The following CLNK variants were observed in gnomAD, a reference collection of about 807,000 sequenced individuals.
The protein encoded by CLNK is cytokine dependent hematopoietic cell linker.
CLNK carries 74 observed loss-of-function variants against 68.6 expected under a neutral mutation model. That is an observed-to-expected ratio of 1.08 (90% CI 0.89 to 1.31). CLNK has a LOEUF of 1.31. CLNK is among the 50% of genes most tolerant of loss of function. The pLI, the probability that CLNK is intolerant of heterozygous loss-of-function variation, is 0.00. For synonymous variants in CLNK, 198 were observed against 172.2 expected, an observed-to-expected ratio of 1.15 and a Z score of -1.17; for missense variants, 553 against 515.3, an observed-to-expected ratio of 1.07 and a Z score of -0.71.
chr4:10,513,544 T>A lies in CLNK; in HGVS notation c.826A>T (p.Ser276Cys). 6.2e-7 allele frequency: 1 copy of A among 1,609,624 alleles called. No homozygotes were observed. The highest frequency in any genetic ancestry group is 8.5e-7 in the Non-Finnish European group (1 of 1,177,792). ...CSPQRCQPPA[S>C]CSPHENILPY... is the part of the protein sequence containing the mutation. ...AGTATATTTTCGTGAGGGCTGCAGC[T>A]GGCTGGAGGCTGGCATCTCTGAGGA... Residue 276 changes from serine (S) to cysteine (C), a missense_variant, in exon 16 of 19, where the codon AGC (serine) becomes TGC (cysteine). Physicochemically the swap from Ser to Cys is moderately radical, Grantham distance 112. Coordinates refer to ENST00000226951, the MANE Select transcript of CLNK (RefSeq NM_052964.4).
the CLNK span, among the ~76,000 whole-genome samples, chr4:10,712,433 C>T: frequency 7.9e-5 from 12 of 152,168 alleles, no homozygotes; most frequent in Admixed American, 7.9e-4. Flanking sequence ...CACCCTGGCT[C>T]ATTTCTGCAA....
the CLNK span, among the ~76,000 whole-genome samples, chr4:10,713,638 G>A: frequency 6.6e-6 from 1 of 152,078 alleles, no homozygotes; most frequent in African/African-American, 2.4e-5. Flanking sequence ...GGGGCCTAGT[G>A]GGAGGTATTT....
At chr4:10,682,592 C>T (rs1012465370) in intron 1 of CLNK, among the ~76,000 whole-genome samples, 1 of 152,196 alleles carries the variant, frequency 6.6e-6, no homozygotes, top group Non-Finnish European at 1.5e-5. Flanking sequence ...ACAACTCCAA[C>T]AACAGCTAAC....
At chr4:10,549,180 T>A (rs1719349745) in intron 8 of CLNK, among the ~76,000 whole-genome samples, 1 of 152,242 alleles carries the variant, frequency 6.6e-6, no homozygotes, top group Non-Finnish European at 1.5e-5. Flanking sequence ...ATATGCCGAC[T>A]GGCAAGTGCT....
At chr4:10,541,228 A>C (rs570793325) in intron 10 of CLNK, among the ~76,000 whole-genome samples, 8 of 151,938 alleles carry the variant, frequency 5.3e-5, no homozygotes, top group East Asian at 3.9e-4. Flanking sequence ...AAAACAAAAA[A>C]AAAAAAACCC....
At chr4:10,624,991 A>C (rs1262891889) in intron 2 of CLNK, among the ~76,000 whole-genome samples, 2 of 152,198 alleles carry the variant, frequency 1.3e-5, no homozygotes, top group Non-Finnish European at 2.9e-5. Flanking sequence ...CTTTCTTGGC[A>C]GTTTCCAAGG....
chr4:10,559,243 A>T (rs191589301), intron 7 of CLNK, among the ~76,000 whole-genome samples: 260 of 152,282 alleles, frequency 1.7e-3, no homozygotes, highest in Middle Eastern at 3.4e-3. Flanking sequence ...CACCAGGTTG[A>T]GTTGGGCATG....
intron 2 of CLNK, among the ~76,000 whole-genome samples, chr4:10,614,754 C>G (rs1422882826): frequency 6.6e-6 from 1 of 152,228 alleles, no homozygotes; most frequent in Non-Finnish European, 1.5e-5. Context: ...CAGCATGTCA[C>G]AGAATTGTTG....
At chr4:10,570,568 T>C (rs1404054888) in intron 5 of CLNK, among the ~76,000 whole-genome samples, 2 of 152,214 alleles carry the variant, frequency 1.3e-5, no homozygotes, top group African/African-American at 4.8e-5. Flanking sequence ...TGCATGTGTG[T>C]GTATGTATAT....
At chr4:10,556,516 C>T (rs1048347843) in intron 8 of CLNK, among the ~76,000 whole-genome samples, 3 of 152,148 alleles carry the variant, frequency 2.0e-5, no homozygotes, top group Non-Finnish European at 4.4e-5. Context: ...GAAATTTCTG[C>T]AGCCGAAGAA....
At chr4:10,574,876 G>C (rs1302854648) in intron 4 of CLNK, among the ~76,000 whole-genome samples, 1 of 152,154 alleles carries the variant, frequency 6.6e-6, no homozygotes, top group Non-Finnish European at 1.5e-5. Flanking sequence ...GCAACCCCCA[G>C]TCATGTACCC....
At chr4:10,615,258 T>A (rs1722184313) in intron 2 of CLNK, among the ~76,000 whole-genome samples, 2 of 152,048 alleles carry the variant, frequency 1.3e-5, no homozygotes, top group South Asian at 4.1e-4. Context: ...GACGGGCAGA[T>A]CACCTGAGGC....
At chr4:10,621,740 G>A (rs1722468453) in intron 2 of CLNK, among the ~76,000 whole-genome samples, 1 of 152,180 alleles carries the variant, frequency 6.6e-6, no homozygotes. Flanking sequence ...CTTTCCAGGT[G>A]GGGTCTGGGG....
At chr4:10,712,686 C>G in the CLNK span, among the ~76,000 whole-genome samples, 1 of 152,214 alleles carries the variant, frequency 6.6e-6, no homozygotes, top group African/African-American at 2.4e-5. Context: ...TAATTGCTCA[C>G]TTTACTGCTC....
chr4:10,578,106 G>C (rs892152492), intron 4 of CLNK, among the ~76,000 whole-genome samples: 1 of 152,202 alleles, frequency 6.6e-6, no homozygotes, highest in Non-Finnish European at 1.5e-5. Flanking sequence ...TTGGTCCATG[G>C]AATTTAGGTG....
Position 10,507,941 on chromosome 4 carries a change from C to T in CLNK, c.984+18G>A, listed in dbSNP as rs769340812. On this transcript the variant is annotated intron_variant, in intron 17 of 18. Coordinates refer to ENST00000226951, the MANE Select transcript of CLNK (RefSeq NM_052964.4). ...TGCCTATAGAAACAATAATGATGGG[C>T]CACGTAGAAGGCATTACCTTGTTCT... 1 of 1,579,136 alleles carries T rather than the reference C, an allele frequency of 6.3e-7. No homozygotes were observed. Among genetic ancestry groups the T allele is most frequent in the South Asian group, 1.2e-5 (1 of 86,784 alleles).
intron 2 of CLNK, among the ~76,000 whole-genome samples, chr4:10,606,950 G>A (rs1438763400): frequency 6.6e-6 from 1 of 152,174 alleles, no homozygotes; most frequent in Non-Finnish European, 1.5e-5. Flanking sequence ...GTACTGCCCT[G>A]GGTGAGCTGA....
At chr4:10,720,116 C>T in the CLNK span, among the ~76,000 whole-genome samples, 6 of 151,710 alleles carry the variant, frequency 4.0e-5, no homozygotes, top group Non-Finnish European at 7.4e-5. Flanking sequence ...AAGTCTGAAA[C>T]CAATAATCTA....
At chr4:10,707,467 T>C in the CLNK span, among the ~76,000 whole-genome samples, 11 of 152,372 alleles carry the variant, frequency 7.2e-5, no homozygotes, top group Admixed American at 4.6e-4. Flanking sequence ...GATAGACTAA[T>C]GTCAGTCACT....
Sources: allele counts gnomAD v4.1 joint callset (sites outside exome capture counted in the v4.1 genomes callset), GRCh38; gene constraint gnomAD v4.1.1; transcripts MANE v1.5; gene names NCBI Gene and HGNC (gene_info 2026-07-23, HGNC 2026-07-21).